DNAJC3: variants seen among roughly 807,000 people sequenced by gnomAD.
DNAJC3 encodes the protein dnaJ homolog subfamily C member 3.
In DNAJC3, 38 loss-of-function variants were observed where a neutral mutation model predicts 68.6. That is an observed-to-expected ratio of 0.55 (90% CI 0.43 to 0.73). DNAJC3 has a LOEUF of 0.73. Ranked by LOEUF, DNAJC3 falls within the 30% of genes least tolerant of loss-of-function variation. DNAJC3 has a pLI of 0.00. For missense variants in DNAJC3, 526 were observed against 591.9 expected (o/e 0.89, Z 1.16); for synonymous variants, 203 against 204.0 (o/e 1.00, Z 0.04).
intron 6 of DNAJC3, 36 bp downstream of exon 6, chr13:95,760,257 A>C (rs1882783466): frequency 5.5e-6 from 8 of 1,449,200 alleles, no homozygotes; most frequent in African/African-American, 1.4e-5. Context: ...GATCTTTTTT[A>C]ATTGTTGGCA....
chr13:95,681,633 C>A (rs1677521810), intron 1 of DNAJC3, among the ~76,000 whole-genome samples: 1 of 152,208 alleles, frequency 6.6e-6, no homozygotes, highest in Non-Finnish European at 1.5e-5. Flanking sequence ...AGATTACAGG[C>A]ACGAGCCAAT....
At chr13:95,759,902 A>G (rs1882768736) in intron 5 of DNAJC3, 138 bp from the exon 6 acceptor site, 1 of 789,668 alleles carries the variant, frequency 1.3e-6, no homozygotes, top group African/African-American at 1.8e-5. Flanking sequence ...TTTTAAAATA[A>G]TATTTGCACT....
In DNAJC3 at chr13:95,767,691, G is replaced by GTT. The variant is rs796243780; in HGVS notation, c.1075+3753_1075+3754dup. ...CACATCCTCGTCAACAGTTTTTTGG[G>GTT]TTTTTTTTTTTTTTTTGAGACAGAG... On this transcript the variant is annotated intron_variant, in intron 9 of 11. Transcript: ENST00000602402. Among the ~76,000 whole-genome samples, 219 of 135,784 alleles carry GTT rather than the reference G, an allele frequency of 1.6e-3. 4 individuals carry two copies. The East Asian group carries it at 0.034, about 21-fold the overall frequency. The allele number at this position is 135,784 out of a possible 152,430, so 89.1% of individuals were successfully genotyped here.
chr13:95,779,156 A>G (rs531225199), intron 9 of DNAJC3, among the ~76,000 whole-genome samples: 30 of 115,074 alleles, frequency 2.6e-4, no homozygotes, highest in African/African-American at 7.4e-4. Context: ...ACGGAGTCTC[A>G]CTCTGTCGCC....
intron 1 of DNAJC3, among the ~76,000 whole-genome samples, chr13:95,703,116 C>G (rs1020211653): frequency 6.6e-6 from 1 of 152,156 alleles, no homozygotes; most frequent in Non-Finnish European, 1.5e-5. Flanking sequence ...AGGGGAAATA[C>G]AGGGTTAAGT....
intron 1 of DNAJC3, chr13:95,693,226 TTTACCCC>T (rs1369926423): frequency 6.6e-6 from 1 of 152,212 alleles, no homozygotes; most frequent in Non-Finnish European, 1.5e-5. Context: ...TATTTAAGAC[TTTACCCC>T]TTACTTCTTC....
chr13:95,708,075 GTCC>G lies in DNAJC3; in HGVS notation c.83-1146_83-1144del, dbSNP rs1468130376. Among the ~76,000 whole-genome samples the G allele has an allele frequency of 4.6e-5, 7 of 152,278 alleles. No individual in the cohort carries two copies. In the East Asian group the frequency reaches 1.2e-3, roughly 25 times the overall value. On this transcript the variant is annotated intron_variant, in intron 1 of 11. Coordinates refer to ENST00000602402, the MANE Select transcript of DNAJC3 (RefSeq NM_006260.5). ...AAGCTGTGGCTAAGTACCCCTGGAT[GTCC>G]TCCTCATCCATACCATGCAGCAGGA... is the stretch of plus-strand genomic sequence containing the variant.
chr13:95,684,599 G>C (rs751977732), intron 1 of DNAJC3, among the ~76,000 whole-genome samples: 1 of 152,196 alleles, frequency 6.6e-6, no homozygotes, highest in Non-Finnish European at 1.5e-5. Flanking sequence ...GTAAAGAGGA[G>C]CCAAGTGCTG....
At chr13:95,761,925 C>T (rs960189699) in intron 7 of DNAJC3, among the ~76,000 whole-genome samples, 1 of 152,100 alleles carries the variant, frequency 6.6e-6, no homozygotes, top group South Asian at 2.1e-4. Context: ...TTTTCCCCCT[C>T]ATTCGAATTG....
At chr13:95,771,937 T>G (rs1054580198) in intron 9 of DNAJC3, among the ~76,000 whole-genome samples, 1 of 152,190 alleles carries the variant, frequency 6.6e-6, no homozygotes, top group Admixed American at 6.5e-5. Flanking sequence ...TTGAGATTTA[T>G]TTATGTTATT....
At chr13:95,719,843 CT>C (rs1881262894) in intron 2 of DNAJC3, among the ~76,000 whole-genome samples, 1 of 152,100 alleles carries the variant, frequency 6.6e-6, no homozygotes, top group Non-Finnish European at 1.5e-5. Flanking sequence ...ATACACAGTC[CT>C]CTGTGGAGAT....
At chr13:95,724,385 G>T (rs1251876146) in intron 3 of DNAJC3, among the ~76,000 whole-genome samples, 1 of 152,146 alleles carries the variant, frequency 6.6e-6, no homozygotes, top group Non-Finnish European at 1.5e-5. Context: ...AAAGAAACGG[G>T]ATTACACACA....
chr13:95,770,091 T>C (rs1347180721), intron 9 of DNAJC3, among the ~76,000 whole-genome samples: 1 of 152,214 alleles, frequency 6.6e-6, no homozygotes, highest in Non-Finnish European at 1.5e-5. Flanking sequence ...AGGGGTCCTT[T>C]GCCTCTCCCA....
chr13:95,759,291 A>G (rs749978934), intron 5 of DNAJC3, among the ~76,000 whole-genome samples: 1 of 152,002 alleles, frequency 6.6e-6, no homozygotes, highest in Non-Finnish European at 1.5e-5. Flanking sequence ...AGGCGGTGAC[A>G]TTTACAGAAG....
At chr13:95,679,199 CTT>C (rs3086610) in intron 1 of DNAJC3, among the ~76,000 whole-genome samples, 7,232 of 108,476 alleles carry the variant, frequency 0.067, 102 homozygotes, top group East Asian at 0.15. Flanking sequence ...AAAATCAGCA[CTT>C]TTTTTTTTTT....
At chr13:95,774,209 T>C (rs1430970962) in intron 9 of DNAJC3, among the ~76,000 whole-genome samples, 3 of 152,236 alleles carry the variant, frequency 2.0e-5, no homozygotes, top group African/African-American at 7.2e-5. Flanking sequence ...AATATAAGCA[T>C]TTAAAGTTGC....
At chr13:95,769,125 T>C (rs1248805490) in intron 9 of DNAJC3, among the ~76,000 whole-genome samples, 3 of 152,328 alleles carry the variant, frequency 2.0e-5, no homozygotes, top group South Asian at 2.1e-4. Flanking sequence ...ATTTAAGATA[T>C]TTGTTGAAAA....
intron 3 of DNAJC3, among the ~76,000 whole-genome samples, chr13:95,723,985 A>G (rs1881426593): frequency 6.6e-6 from 1 of 151,934 alleles, no homozygotes; most frequent in African/African-American, 2.4e-5. Context: ...CCACTGATCA[A>G]TTAGACGGTT....
At chr13:95,772,053 T>C (rs1403589170) in intron 9 of DNAJC3, among the ~76,000 whole-genome samples, 1 of 152,242 alleles carries the variant, frequency 6.6e-6, no homozygotes, top group Non-Finnish European at 1.5e-5. Flanking sequence ...ATGTGGTCTC[T>C]GTTGCAACTA....
Sources: gnomAD v4.1 joint callset for allele counts (sites outside exome capture counted in the v4.1 genomes callset) on GRCh38, gnomAD v4.1.1 for gene constraint, MANE v1.5 for transcripts, NCBI Gene and HGNC (gene_info 2026-07-23, HGNC 2026-07-21) for gene names.